Variants in C3orf22 observed in about 807,000 individuals in gnomAD.
C3orf22 encodes chromosome 3 open reading frame 22.
C3orf22 carries 7 observed loss-of-function variants against 10.8 expected under a neutral mutation model. The ratio of observed to expected loss-of-function variants is 0.65; its 90% CI spans 0.37 to 1.22. The LOEUF (loss-of-function observed/expected upper bound fraction) is 1.22, where lower values mean the gene tolerates loss of function less well. Ranked by LOEUF, C3orf22 falls within the 50% of genes most tolerant of loss-of-function variation. The probability of loss-of-function intolerance (pLI) is 0.02; values close to 1 mark genes in which losing one functional copy is unlikely to be tolerated. For synonymous variants in C3orf22, 79 were observed against 78.9 expected, an observed-to-expected ratio of 1.00 and a Z score of 0.00; for missense variants, 173 against 177.0, an observed-to-expected ratio of 0.98 and a Z score of 0.13.
chr3:126,553,144 G>A (rs576693741), intron 2 of C3orf22, among the ~76,000 whole-genome samples, 158 bp downstream of exon 2: 74 of 152,302 alleles, frequency 4.9e-4, no homozygotes, highest in Admixed American at 3.9e-3. Context: ...TAACGAAGGC[G>A]GACCCCAGAC....
rs574228207 is a variant in C3orf22, at chr3:126,550,953, C to T, written c.216-875G>A. Among the ~76,000 whole-genome samples the T allele has an allele frequency of 1.6e-3, 245 of 152,186 alleles. 1 individual carries two copies. Among genetic ancestry groups the T allele is most frequent in the Non-Finnish European group, 2.3e-3 (157 of 68,034 alleles). ...GAATCTGAGACCAGGAACATCTGAG[C>T]TCTCAGAGCCCAGCCCTGGCCGCTA... On this transcript the variant is annotated intron_variant, in intron 3 of 3. Coordinates refer to ENST00000318225, the MANE Select transcript of C3orf22 (RefSeq NM_152533.3).
chr3:126,538,505 C>A (rs1936849472), intron 4 of C3orf22, among the ~76,000 whole-genome samples: 1 of 152,250 alleles, frequency 6.6e-6, no homozygotes, highest in Non-Finnish European at 1.5e-5. Flanking sequence ...ACACACGAAG[C>A]TGAAGATATG....
In C3orf22 at chr3:126,549,781, T is replaced by C; in HGVS notation, c.*87A>G. On this transcript the variant is annotated 3_prime_UTR_variant, in exon 4 of 4. Coordinates refer to ENST00000318225, the MANE Select transcript of C3orf22 (RefSeq NM_152533.3). The stretch of plus-strand genomic sequence containing the variant: ...GGTCTATGATGGCCATGAAGGCTGA[T>C]CCCTTTACTAAAGTCTCTGTGGCTA... The C allele has an allele frequency of 2.0e-6, 3 of 1,522,236 alleles. No homozygotes were observed. In the African/African-American group the frequency reaches 4.1e-5, roughly 21 times the overall value. The allele number at this position is 1,522,236 out of a possible 1,614,324, so 94.3% of individuals were successfully genotyped here.
At chr3:126,539,570 CACAT>C (rs1936881753) in intron 4 of C3orf22, among the ~76,000 whole-genome samples, 1 of 139,608 alleles carries the variant, frequency 7.2e-6, no homozygotes, top group Non-Finnish European at 1.6e-5. Flanking sequence ...CACACACACA[CACAT>C]ATGTACCCCA....
chr3:126,547,434 A>T (rs777840679), downstream of C3orf22, among the ~76,000 whole-genome samples: 12 of 152,238 alleles, frequency 7.9e-5, no homozygotes, highest in Admixed American at 1.3e-4. Flanking sequence ...AGGGGCTGCA[A>T]ACACATCCCA....
chr3:126,540,018 GCCACACACACGCACA>G (rs1432232022), intron 4 of C3orf22, among the ~76,000 whole-genome samples: 2 of 125,912 alleles, frequency 1.6e-5, no homozygotes, highest in African/African-American at 6.0e-5. Context: ...ACACACGCAT[GCCACACACACGCACA>G]CCACACACCA....
intron 4 of C3orf22, chr3:126,543,046 T>A (rs1937005612): frequency 6.6e-6 from 1 of 152,484 alleles, no homozygotes; most frequent in Admixed American, 6.5e-5. Flanking sequence ...CTCCCTTGGC[T>A]GGCCTCACGA....
intron 4 of C3orf22, among the ~76,000 whole-genome samples, chr3:126,530,835 G>C (rs1936641995): frequency 6.6e-6 from 1 of 152,272 alleles, no homozygotes; most frequent in African/African-American, 2.4e-5. Flanking sequence ...TGGAGACACA[G>C]GTGGCCCTGA....
chr3:126,530,217 G>A lies in C3orf22; in HGVS notation c.287-845C>T, dbSNP rs953662811. Reference sequence around the variant, plus strand: ...AGGCAGGGTGGGGCTGGATGGAGGCGGCCCAGCCCTGTAATCACTGGCCAC... The same window carrying A: ...AGGCAGGGTGGGGCTGGATGGAGGCAGCCCAGCCCTGTAATCACTGGCCAC... On this transcript the variant is annotated intron_variant and NMD_transcript_variant, in intron 4 of 5. Coordinates refer to the C3orf22 transcript ENST00000505070. Among the ~76,000 whole-genome samples the A allele has an allele frequency of 1.3e-3, 193 of 152,364 alleles. 2 individuals are homozygous for A. The highest frequency in any genetic ancestry group is 6.6e-4 in the Non-Finnish European group (45 of 68,022).
At chr3:126,532,219 T>C (rs1350926359) in intron 4 of C3orf22, among the ~76,000 whole-genome samples, 1 of 152,262 alleles carries the variant, frequency 6.6e-6, no homozygotes, top group Non-Finnish European at 1.5e-5. Context: ...GGATTGTCAT[T>C]TCACCTTCTT....
chr3:126,529,386 A>T (rs767298496), intron 4 of C3orf22: 6 of 1,289,066 alleles, frequency 4.7e-6, no homozygotes, highest in Non-Finnish European at 6.1e-6. Flanking sequence ...CGGATGCCGC[A>T]AGGGGGGACA....
At position 126,549,809 on chromosome 3, in the gene C3orf22, G is replaced by A. The variant is rs1937138476; in HGVS notation, c.*59C>T. On this transcript the variant is annotated 3_prime_UTR_variant, in exon 4 of 4. Transcript: ENST00000318225. ...CTTTACTAAAGTCTCTGTGGCTACT[G>A]CCCAGAGCCTGCCAAGGAGAAGGTG... is the stretch of plus-strand genomic sequence containing the variant. The A allele has an allele frequency of 1.9e-6, 3 of 1,559,450 alleles. No homozygotes were observed.
At chr3:126,530,955 G>T (rs1009839665) in intron 4 of C3orf22, among the ~76,000 whole-genome samples, 4 of 152,274 alleles carry the variant, frequency 2.6e-5, no homozygotes, top group African/African-American at 4.8e-5. Flanking sequence ...GCAGGGGGCA[G>T]CAGGACCCTG....
chr3:126,549,931 C>T lies in C3orf22; in HGVS notation c.363G>A (p.Arg121=). Residue 121 remains arginine (R), a synonymous_variant, in exon 4 of 4, where the codon CGG becomes CGA. Coordinates refer to ENST00000318225, the MANE Select transcript of C3orf22 (RefSeq NM_152533.3). ...TCTGGGGGCAGGCAGCCTCAGTGTG[C>T]CGGGTGGACAGCAGGAAGGCGAGTT... ...PRQLAFLLST[R]HTEAACPQTS... is the part of the protein sequence containing the mutation. The T allele has an allele frequency of 1.9e-6, 3 of 1,614,076 alleles. No homozygotes were observed. In the South Asian group the frequency reaches 3.3e-5, roughly 18 times the overall value.
rs1206876846 is a variant in C3orf22, at chr3:126,553,163, G to T, written c.89+139C>A. ...GAAGGCGGACCCCAGACTGTCAGCT[G>T]GGCAAGGGCTGCTAAGGGTCTCCCT... On this transcript the variant is annotated intron_variant, in intron 2 of 3. Transcript: ENST00000318225. 5.5e-6 allele frequency: 4 copies of T among 731,386 alleles called. No individual in the cohort carries two copies. The African/African-American group carries it at 6.9e-5, about 13-fold the overall frequency. The allele number at this position is 731,386 out of a possible 1,614,324, so 45.3% of individuals were successfully genotyped here.
chr3:126,544,439 C>A (rs1447145381), intron 4 of C3orf22, among the ~76,000 whole-genome samples: 3 of 152,196 alleles, frequency 2.0e-5, no homozygotes, highest in Non-Finnish European at 4.4e-5. Flanking sequence ...GGCCAGAGCC[C>A]CACTGTTTAG....
At chr3:126,537,657 G>A (rs1936826890) in intron 4 of C3orf22, among the ~76,000 whole-genome samples, 2 of 152,200 alleles carry the variant, frequency 1.3e-5, no homozygotes, top group Admixed American at 1.3e-4. Flanking sequence ...TAGCTCTGGC[G>A]GCTTCTGAGG....
intron 4 of C3orf22, chr3:126,542,395 G>T: frequency 6.4e-7 from 1 of 1,555,128 alleles, no homozygotes; most frequent in Non-Finnish European, 8.7e-7. Context: ...TGGGCCTGGC[G>T]GGCGCATCCG....
chr3:126,539,842 A>C (rs1379089473), intron 4 of C3orf22, among the ~76,000 whole-genome samples: 1 of 82,594 alleles, frequency 1.2e-5, no homozygotes, highest in African/African-American at 5.7e-5. Context: ...CACACACCAC[A>C]CACATCACAC....
Sources: allele counts gnomAD v4.1 joint callset (sites outside exome capture counted in the v4.1 genomes callset), GRCh38; gene constraint gnomAD v4.1.1; transcripts MANE v1.5; gene names NCBI Gene and HGNC (gene_info 2026-07-23, HGNC 2026-07-21).